The following DLC1 variants were observed in gnomAD, a reference collection of about 807,000 sequenced individuals.
DLC1 encodes DLC1 Rho GTPase activating protein.
DLC1 carries 54 observed loss-of-function variants against 140.3 expected under a neutral mutation model. The ratio of observed to expected loss-of-function variants is 0.38; its 90% confidence interval spans 0.31 to 0.48. The LOEUF (loss-of-function observed/expected upper bound fraction) is 0.48, where lower values mean the gene tolerates loss of function less well. Ranked by LOEUF, DLC1 falls within the 20% of genes least tolerant of loss-of-function variation. DLC1 has a pLI of 0.96. For synonymous variants in DLC1, 986 were observed against 728.1 expected, an observed-to-expected ratio of 1.35 and a Z score of -5.70; for missense variants, 2,536 against 1,907.0, an observed-to-expected ratio of 1.33 and a Z score of -6.14.
At chr8:13,275,264 C>G (rs1036264807) in intron 5 of DLC1, among the ~76,000 whole-genome samples, 2 of 152,168 alleles carry the variant, frequency 1.3e-5, no homozygotes, top group African/African-American at 4.8e-5. Flanking sequence ...TTAAATTTCC[C>G]CTCTTCAAGT....
Position 13,133,276 on chromosome 8 carries a change from A to G in DLC1, c.1349-17619T>C, listed in dbSNP as rs957986520. 2.8e-5 allele frequency: 37 copies of G among 1,318,952 alleles called. 2 individuals are homozygous for G. The South Asian group carries it at 5.2e-4, about 19-fold the overall frequency. 81.7% of individuals were successfully genotyped at this position (1,318,952 alleles called of 1,614,324 possible). ...GGGAGCGAAGCGCCCTCGCTCGGGC[A>G]GTCGGAGCGAACTGTCTCCCGCGCG... On this transcript the variant is annotated intron_variant, in intron 5 of 17. Transcript: ENST00000276297.
chr8:13,184,701 G>A (rs1826244614), intron 5 of DLC1, among the ~76,000 whole-genome samples: 1 of 152,134 alleles, frequency 6.6e-6, no homozygotes, highest in South Asian at 2.1e-4. Context: ...ATTTGCTGAG[G>A]AGTGCTTTAC....
intron 1 of DLC1, among the ~76,000 whole-genome samples, chr8:13,580,782 C>G (rs1232243150): frequency 3.3e-5 from 5 of 152,106 alleles, no homozygotes; most frequent in Non-Finnish European, 5.9e-5. Context: ...GTGAAAGCCC[C>G]CACACACCAG....
At chr8:13,540,440 T>C (rs1803444371) in intron 1 of DLC1, among the ~76,000 whole-genome samples, 1 of 152,206 alleles carries the variant, frequency 6.6e-6, no homozygotes, top group East Asian at 1.9e-4. Flanking sequence ...AATGAACCTC[T>C]TTAGATATTA....
Position 13,088,432 on chromosome 8 carries a change from T to C in DLC1, c.4292+55A>G, listed in dbSNP as rs920359476. 106 of 1,566,970 alleles carry C rather than the reference T, an allele frequency of 6.8e-5. 1 individual carries two copies. In the Middle Eastern group the frequency reaches 4.6e-3, roughly 68 times the overall value. ...CTTGTAAGATCAGTGACATATAGGC[T>C]TGGTTCATATATGGAGTCATCCTTG... On this transcript the variant is annotated intron_variant, in intron 16 of 17. Transcript: ENST00000276297.
chr8:13,547,051 A>G (rs1421989655), intron 1 of DLC1, among the ~76,000 whole-genome samples: 1 of 152,092 alleles, frequency 6.6e-6, no homozygotes, highest in African/African-American at 2.4e-5. Context: ...TAAATCAACT[A>G]TTTTTATTGC....
intron 5 of DLC1, among the ~76,000 whole-genome samples, chr8:13,180,977 CT>C (rs59506478): frequency 0.012 from 1,773 of 150,866 alleles, 46 homozygotes; most frequent in African/African-American, 0.041. Context: ...TATAATGTTC[CT>C]TTTTTTTTCT....
At chr8:13,288,136 C>T (rs896886397) in intron 5 of DLC1, among the ~76,000 whole-genome samples, 1 of 152,050 alleles carries the variant, frequency 6.6e-6, no homozygotes, top group Non-Finnish European at 1.5e-5. Context: ...TCTAACCTAG[C>T]CACTAAATCC....
At chr8:13,480,513 A>G (rs997661976) in intron 2 of DLC1, among the ~76,000 whole-genome samples, 5 of 152,192 alleles carry the variant, frequency 3.3e-5, no homozygotes, top group Admixed American at 2.6e-4. Context: ...ATATTTATGT[A>G]TCATAAAGAC....
chr8:13,180,729 A>G (rs1016588748), intron 5 of DLC1, among the ~76,000 whole-genome samples: 4 of 152,194 alleles, frequency 2.6e-5, no homozygotes, highest in Non-Finnish European at 4.4e-5. Context: ...ATAATCCTAT[A>G]TTCACCATTT....
At chr8:13,567,275 ACT>A (rs1344356003) in intron 1 of DLC1, 1 of 1,551,624 alleles carries the variant, frequency 6.4e-7, no homozygotes, top group Non-Finnish European at 8.7e-7. Context: ...AAGCTCAAAG[ACT>A]CTAACTTTGA....
At chr8:13,487,009 G>T (rs1490504371) in intron 2 of DLC1, among the ~76,000 whole-genome samples, 1 of 152,154 alleles carries the variant, frequency 6.6e-6, no homozygotes, top group African/African-American at 2.4e-5. Context: ...TGTGGATGGG[G>T]TGAGGCAAAT....
At chr8:13,140,501 G>T (rs1206648024) in intron 5 of DLC1, among the ~76,000 whole-genome samples, 1 of 151,968 alleles carries the variant, frequency 6.6e-6, no homozygotes, top group Non-Finnish European at 1.5e-5. Flanking sequence ...CCAAAGTGCT[G>T]GGATTACAGG....
intron 5 of DLC1, among the ~76,000 whole-genome samples, chr8:13,185,550 G>A (rs1050930567): frequency 5.9e-5 from 9 of 152,018 alleles, no homozygotes; most frequent in Non-Finnish European, 1.2e-4. Flanking sequence ...CTTGTGATCT[G>A]CTCGCCTTGG....
rs193246566 is a variant in DLC1, at chr8:13,333,555, A to C, written c.1315-28253T>G. On this transcript the variant is annotated intron_variant, in intron 4 of 17. Transcript: ENST00000276297. The stretch of plus-strand genomic sequence containing the variant: ...GTAAACGATCATGGCTGGCAAAAAT[A>C]AACATTTTCTAAGACTGAAACTGCT... Among the ~76,000 whole-genome samples the C allele has an allele frequency of 5.8e-4, 88 of 152,312 alleles. 1 individual carries two copies. Among genetic ancestry groups the C allele is most frequent in the Non-Finnish European group, 1.1e-3 (72 of 68,014 alleles).
At chr8:13,230,762 A>T (rs1346772983) in intron 5 of DLC1, among the ~76,000 whole-genome samples, 1 of 151,520 alleles carries the variant, frequency 6.6e-6, no homozygotes, top group Non-Finnish European at 1.5e-5. Flanking sequence ...ATGCCCGCCT[A>T]ATTTTTGTAT....
rs147708461 is a variant in DLC1 at position 13,578,488 on chromosome 8, G to C, written c.-126+26049C>G. 9.7e-3 allele frequency among the ~76,000 whole-genome samples: 1,475 copies of C among 152,230 alleles called. 21 individuals are homozygous for C. The highest frequency in any genetic ancestry group is 0.034 in the African/African-American group (1,393 of 41,516). On this transcript the variant is annotated intron_variant, in intron 1 of 1. Coordinates refer to the DLC1 transcript ENST00000631382. ...ACATATCTACCTGGAGTTTAAGTCA[G>C]ATCCCACAGGTTAAGAGCTCAGTCC... is the stretch of plus-strand genomic sequence containing the variant.
chr8:13,582,410 C>G (rs1805137046), intron 1 of DLC1, among the ~76,000 whole-genome samples: 1 of 152,132 alleles, frequency 6.6e-6, no homozygotes, highest in Non-Finnish European at 1.5e-5. Flanking sequence ...ACATTTGAGT[C>G]AGTGGACTGG....
intron 2 of DLC1, among the ~76,000 whole-genome samples, chr8:13,428,028 G>A (rs2117378599): frequency 6.6e-6 from 1 of 152,278 alleles, no homozygotes; most frequent in Middle Eastern, 3.4e-3. Flanking sequence ...GTGGCTTCGG[G>A]GAGCAGGGGA....
Sources: allele counts gnomAD v4.1 joint callset (sites outside exome capture counted in the v4.1 genomes callset), GRCh38; gene constraint gnomAD v4.1.1; transcripts MANE v1.5; gene names NCBI Gene and HGNC (gene_info 2026-07-23, HGNC 2026-07-21).